Variants in LRBA observed in about 807,000 individuals in gnomAD.
LRBA encodes the protein lipopolysaccharide-responsive and beige-like anchor protein.
In LRBA, 176 loss-of-function variants were observed where a neutral mutation model predicts 330.0. That is an observed-to-expected ratio of 0.53 (90% CI 0.47 to 0.60). The LOEUF is 0.60. Among genes scored for constraint, LRBA ranks in the 20% least tolerant of loss-of-function variants. The pLI is 0.00. For synonymous variants in LRBA, 1,230 were observed against 1,193.0 expected (o/e 1.03, Z -0.64); for missense variants, 3,259 against 3,444.8 (o/e 0.95, Z 1.35).
chr4:151,007,273 G>A (rs942304779), intron 2 of LRBA, among the ~76,000 whole-genome samples: 2 of 151,490 alleles, frequency 1.3e-5, no homozygotes, highest in African/African-American at 4.9e-5. Context: ...AGGCCGAGGC[G>A]GACGGACCAC....
chr4:150,975,037 T>C (rs1452792086), intron 2 of LRBA, among the ~76,000 whole-genome samples: 1 of 151,822 alleles, frequency 6.6e-6, no homozygotes, highest in Non-Finnish European at 1.5e-5. Context: ...CAGCTCAGAG[T>C]CTACCAACAT....
intron 37 of LRBA, among the ~76,000 whole-genome samples, chr4:150,642,796 GTAGATGTTTTA>G (rs1201858363): frequency 6.6e-6 from 1 of 151,828 alleles, no homozygotes; most frequent in Admixed American, 6.6e-5. Context: ...CTGTATTGAA[GTAGATGTTTTA>G]TATAGCAAAT....
At chr4:150,410,757 T>A (rs1046635221) in intron 47 of LRBA, among the ~76,000 whole-genome samples, 1 of 152,224 alleles carries the variant, frequency 6.6e-6, no homozygotes, top group Non-Finnish European at 1.5e-5. Flanking sequence ...TGAACTATTA[T>A]AATTTGAATC....
chr4:150,361,562 T>C (rs1336114577), intron 47 of LRBA, among the ~76,000 whole-genome samples: 1 of 152,186 alleles, frequency 6.6e-6, no homozygotes, highest in Non-Finnish European at 1.5e-5. Context: ...CTCCAGATTC[T>C]CTTTCTACAT....
At chr4:150,976,810 G>A (rs1035081328) in intron 2 of LRBA, among the ~76,000 whole-genome samples, 2 of 152,146 alleles carry the variant, frequency 1.3e-5, no homozygotes, top group Non-Finnish European at 2.9e-5. Context: ...GCCTGGGAGT[G>A]GGAGAGTGCA....
chr4:150,532,300 A>T (rs1328965659), intron 40 of LRBA, among the ~76,000 whole-genome samples: 1 of 152,214 alleles, frequency 6.6e-6, no homozygotes, highest in Non-Finnish European at 1.5e-5. Context: ...TCCTTTGTTG[A>T]ATACACATTA....
At chr4:150,769,566 A>G (rs183792457) in intron 34 of LRBA, among the ~76,000 whole-genome samples, 1 of 152,328 alleles carries the variant, frequency 6.6e-6, no homozygotes, top group African/African-American at 2.4e-5. Context: ...AATTCTCTCT[A>G]CTGGGGGAAG....
intron 47 of LRBA, among the ~76,000 whole-genome samples, chr4:150,362,940 A>C (rs1359069802): frequency 1.3e-5 from 2 of 152,076 alleles, no homozygotes; most frequent in Non-Finnish European, 2.9e-5. Context: ...CAACATGATG[A>C]ATCCCCATCT....
intron 40 of LRBA, among the ~76,000 whole-genome samples, chr4:150,528,707 G>A (rs1319800654): frequency 1.3e-5 from 2 of 151,962 alleles, no homozygotes; most frequent in Admixed American, 6.6e-5. Flanking sequence ...CAGCATCATC[G>A]ATTTTTTAGG....
intron 2 of LRBA, among the ~76,000 whole-genome samples, chr4:150,975,387 G>T (rs1459086096): frequency 6.6e-6 from 1 of 151,898 alleles, no homozygotes; most frequent in African/African-American, 2.4e-5. Flanking sequence ...TTAGCTGGGT[G>T]TGGTGGTGCA....
At chr4:150,887,037 C>T (rs1303936166) in intron 17 of LRBA, among the ~76,000 whole-genome samples, 2 of 152,092 alleles carry the variant, frequency 1.3e-5, no homozygotes, top group Admixed American at 6.5e-5. Flanking sequence ...ATGCTAACTA[C>T]CCTGATTTGA....
At chr4:150,865,797 C>T (rs1416300861) in intron 22 of LRBA, among the ~76,000 whole-genome samples, 2 of 151,242 alleles carry the variant, frequency 1.3e-5, no homozygotes, top group Admixed American at 6.6e-5. Context: ...CTCACTGCAA[C>T]CTCTGCCTCC....
chr4:150,621,190 G>A (rs981591526), intron 37 of LRBA, among the ~76,000 whole-genome samples: 8 of 152,098 alleles, frequency 5.3e-5, no homozygotes, highest in African/African-American at 1.9e-4. Flanking sequence ...GAAATTACTG[G>A]CAGTAAGTGG....
At chr4:150,489,631 T>A in intron 41 of LRBA, among the ~76,000 whole-genome samples, 1 of 119,790 alleles carries the variant, frequency 8.3e-6, no homozygotes, top group South Asian at 2.3e-4. Flanking sequence ...GAATATATAA[T>A]ATATAAGAAT....
chr4:150,819,857 T>C (rs1207753701), intron 30 of LRBA, among the ~76,000 whole-genome samples: 3 of 152,108 alleles, frequency 2.0e-5, no homozygotes, highest in Admixed American at 1.3e-4. Flanking sequence ...AAATATTTAT[T>C]GTCCAAGATC....
chr4:150,626,486 A>G (rs1776874476), intron 37 of LRBA, among the ~76,000 whole-genome samples: 1 of 152,192 alleles, frequency 6.6e-6, no homozygotes, highest in Non-Finnish European at 1.5e-5. Flanking sequence ...AAAAATATGA[A>G]GTCATCTTCA....
intron 34 of LRBA, among the ~76,000 whole-genome samples, chr4:150,778,190 C>A (rs986983198): frequency 6.6e-6 from 1 of 152,038 alleles, no homozygotes; most frequent in African/African-American, 2.4e-5. Flanking sequence ...TCTATTGTGT[C>A]TTTAATCACT....
rs928288411 is a variant in LRBA, at chr4:150,911,820, C to G, written c.1161+2375G>C. 2.6e-5 allele frequency among the ~76,000 whole-genome samples: 4 copies of G among 152,036 alleles called. No individual in the cohort carries two copies. In the South Asian group the frequency reaches 8.3e-4, roughly 32 times the overall value. On this transcript the variant is annotated intron_variant, in intron 9 of 56. Transcript: ENST00000651943. ...CATTCTCCAGTGAAGCCATCTAGTC[C>G]CTGGCTTTCTTTGTTGAAAAGTTTT... is the stretch of plus-strand genomic sequence containing the variant.
At chr4:150,443,433 G>C (rs1752094878) in intron 44 of LRBA, among the ~76,000 whole-genome samples, 1 of 152,100 alleles carries the variant, frequency 6.6e-6, no homozygotes, top group African/African-American at 2.4e-5. Context: ...CAACAGCAAA[G>C]ACTTGGAACC....
Sources: allele counts gnomAD v4.1 joint callset (sites outside exome capture counted in the v4.1 genomes callset), GRCh38; gene constraint gnomAD v4.1.1; transcripts MANE v1.5; gene names NCBI Gene and HGNC (gene_info 2026-07-23, HGNC 2026-07-21).